Variants in KIF16B observed in about 807,000 individuals in gnomAD.
KIF16B encodes kinesin family member 16B.
In KIF16B, 98 loss-of-function variants were observed where a neutral mutation model predicts 156.3. The observed-to-expected ratio is 0.63, with a 90% confidence interval of 0.53 to 0.74. The LOEUF (loss-of-function observed/expected upper bound fraction) is 0.74, where lower values mean the gene tolerates loss of function less well. Ranked by LOEUF, KIF16B falls within the 30% of genes least tolerant of loss-of-function variation. The pLI is 0.00. For synonymous variants in KIF16B, 564 were observed against 583.7 expected, an observed-to-expected ratio of 0.97 and a Z score of 0.49; for missense variants, 1,421 against 1,606.5, an observed-to-expected ratio of 0.88 and a Z score of 1.97.
intron 1 of KIF16B, among the ~76,000 whole-genome samples, chr20:16,571,200 C>T (rs1157047127): frequency 6.6e-6 from 1 of 152,128 alleles, no homozygotes; most frequent in Non-Finnish European, 1.5e-5. Context: ...ACTCTACACT[C>T]GCATTCTTCC....
At chr20:16,367,686 T>C (rs1434942175) in intron 22 of KIF16B, 2 of 1,612,404 alleles carry the variant, frequency 1.2e-6, no homozygotes, top group East Asian at 2.2e-5. Context: ...ACACCTGAAC[T>C]CCATTTGGCA....
At chr20:16,385,255 A>G (rs1336174916) in intron 17 of KIF16B, among the ~76,000 whole-genome samples, 2 of 152,142 alleles carry the variant, frequency 1.3e-5, no homozygotes, top group Non-Finnish European at 2.9e-5. Context: ...TAAAACTCAG[A>G]AATGTATTAT....
intron 25 of KIF16B, among the ~76,000 whole-genome samples, chr20:16,297,018 T>G (rs2063397603): frequency 6.6e-6 from 1 of 152,234 alleles, no homozygotes; most frequent in African/African-American, 2.4e-5. Flanking sequence ...TTTCCTGCCT[T>G]TGGACTCAAA....
At chr20:16,560,053 T>A (rs546475739) in intron 1 of KIF16B, among the ~76,000 whole-genome samples, 1 of 152,126 alleles carries the variant, frequency 6.6e-6, no homozygotes, top group Non-Finnish European at 1.5e-5. Flanking sequence ...CAAATTCTTA[T>A]AAATACTTCA....
At chr20:16,312,190 A>G in intron 25 of KIF16B, 145 bp downstream of exon 25, 1 of 593,344 alleles carries the variant, frequency 1.7e-6, no homozygotes, top group East Asian at 2.8e-5. Context: ...ATATCTTCAT[A>G]ATCTACTGCT....
chr20:16,336,573 T>A (rs2064041163), intron 23 of KIF16B, among the ~76,000 whole-genome samples: 1 of 152,086 alleles, frequency 6.6e-6, no homozygotes, highest in South Asian at 2.1e-4. Flanking sequence ...TTTCTCCACT[T>A]CCCACCTTTC....
intron 12 of KIF16B, among the ~76,000 whole-genome samples, chr20:16,436,376 T>A (rs2066640897): frequency 6.6e-6 from 1 of 152,088 alleles, no homozygotes; most frequent in Non-Finnish European, 1.5e-5. Flanking sequence ...GGCTCCCTAA[T>A]GATTGGGAAG....
chr20:16,513,413 C>A (rs1238239618), intron 4 of KIF16B, among the ~76,000 whole-genome samples: 3 of 152,116 alleles, frequency 2.0e-5, no homozygotes, highest in Non-Finnish European at 2.9e-5. Context: ...AATCCCAGCA[C>A]TTTGGGAGGC....
intron 25 of KIF16B, among the ~76,000 whole-genome samples, chr20:16,299,641 T>C (rs1464415407): frequency 1.3e-5 from 2 of 152,214 alleles, no homozygotes; most frequent in Non-Finnish European, 2.9e-5. Flanking sequence ...ACTTTGGCTA[T>C]GTCCTTAAAT....
At position 16,273,223 on chromosome 20, in the gene KIF16B, G is replaced by A; in HGVS notation, c.*30C>T. 6.2e-7 allele frequency: 1 copy of A among 1,604,594 alleles called. No individual in the cohort carries two copies. The highest frequency in any genetic ancestry group is 8.5e-7 in the Non-Finnish European group (1 of 1,171,784). ...GAGCCCGCTTCGACGAGAAGGCACT[G>A]CTGTGGTGGTTCCTCCATCACCCCT... On this transcript the variant is annotated 3_prime_UTR_variant, in exon 26 of 26. Coordinates refer to ENST00000354981, the MANE Select transcript of KIF16B (RefSeq NM_024704.5).
At chr20:16,357,500 G>A (rs1208852391) in intron 22 of KIF16B, among the ~76,000 whole-genome samples, 1 of 152,170 alleles carries the variant, frequency 6.6e-6, no homozygotes, top group Non-Finnish European at 1.5e-5. Flanking sequence ...ACATCCATCT[G>A]AGATACATTG....
intron 12 of KIF16B, among the ~76,000 whole-genome samples, chr20:16,454,790 G>A (rs903956360): frequency 4.6e-5 from 7 of 152,006 alleles, no homozygotes; most frequent in Admixed American, 6.6e-5. Context: ...TTATGAAATC[G>A]AATAAATACA....
At chr20:16,309,954 G>C (rs1354323634) in intron 25 of KIF16B, among the ~76,000 whole-genome samples, 1 of 152,178 alleles carries the variant, frequency 6.6e-6, no homozygotes, top group Non-Finnish European at 1.5e-5. Flanking sequence ...GGAATTAAAT[G>C]AATGTTTGTT....
chr20:16,397,238 A>T (rs1459177710), intron 17 of KIF16B, among the ~76,000 whole-genome samples: 1 of 152,174 alleles, frequency 6.6e-6, no homozygotes, highest in Non-Finnish European at 1.5e-5. Context: ...CCTGGCAAAG[A>T]CCCTGGCTGG....
intron 12 of KIF16B, among the ~76,000 whole-genome samples, chr20:16,455,439 TAATC>T (rs1275597288): frequency 6.6e-6 from 1 of 151,666 alleles, no homozygotes; most frequent in Non-Finnish European, 1.5e-5. Context: ...TGGACTCTGG[TAATC>T]AGGTGAAGGT....
chr20:16,284,635 G>A (rs973956996), intron 25 of KIF16B, among the ~76,000 whole-genome samples: 16 of 152,178 alleles, frequency 1.1e-4, no homozygotes, highest in African/African-American at 3.6e-4. Flanking sequence ...CTTTCGCCAT[G>A]TCGTGTAGCA....
At chr20:16,367,822 C>T in intron 22 of KIF16B, 1 of 1,611,110 alleles carries the variant, frequency 6.2e-7, no homozygotes, top group Non-Finnish European at 8.5e-7. Flanking sequence ...GAGGTCACGA[C>T]ACAGCTGTTG....
At chr20:16,312,775 CTTTT>C (rs11087165) in intron 24 of KIF16B, among the ~76,000 whole-genome samples, 2 of 145,482 alleles carry the variant, frequency 1.4e-5, no homozygotes, top group Non-Finnish European at 3.0e-5. Context: ...TCCTCCCACC[CTTTT>C]TTTTTTTTTA....
At chr20:16,556,435 G>A (rs545927615) in intron 1 of KIF16B, among the ~76,000 whole-genome samples, 1 of 152,332 alleles carries the variant, frequency 6.6e-6, no homozygotes, top group South Asian at 2.1e-4. Flanking sequence ...TATGTGGTCA[G>A]TAAATGCTTG....
Sources: allele counts gnomAD v4.1 joint callset (sites outside exome capture counted in the v4.1 genomes callset), GRCh38; gene constraint gnomAD v4.1.1; transcripts MANE v1.5; gene names NCBI Gene and HGNC (gene_info 2026-07-23, HGNC 2026-07-21).